The following BMP5 variants were observed in gnomAD, a reference collection of about 807,000 sequenced individuals.
BMP5 encodes bone morphogenetic protein 5.
Under a neutral mutation model 46.6 loss-of-function variants are expected in BMP5, and 23 were observed. The ratio of observed to expected loss-of-function variants is 0.49; its 90% CI spans 0.35 to 0.70. The LOEUF (loss-of-function observed/expected upper bound fraction) is 0.70. BMP5 is among the 30% of genes least tolerant of loss of function. BMP5 has a pLI of 0.00. For missense variants in BMP5, 545 were observed against 565.6 expected (o/e 0.96, Z 0.37); for synonymous variants, 204 against 191.9 (o/e 1.06, Z -0.52).
At chr6:55,836,375 A>G (rs1213845874) in intron 1 of BMP5, among the ~76,000 whole-genome samples, 1 of 152,164 alleles carries the variant, frequency 6.6e-6, no homozygotes, top group East Asian at 1.9e-4. Flanking sequence ...TGCAAAGACT[A>G]GAGAGCATAT....
At chr6:55,770,724 A>G (rs188382718) in intron 4 of BMP5, among the ~76,000 whole-genome samples, 1 of 151,896 alleles carries the variant, frequency 6.6e-6, no homozygotes, top group African/African-American at 2.4e-5. Context: ...AAAGTGAGAG[A>G]TGTTTAAATC....
chr6:55,772,811 T>C, intron 4 of BMP5: 1 of 985,190 alleles, frequency 1.0e-6, no homozygotes, highest in Non-Finnish European at 1.2e-6. Context: ...CTCCTGCTTC[T>C]GTTGCTTGCC....
At chr6:55,791,709 G>GA (rs1562039837) in intron 3 of BMP5, among the ~76,000 whole-genome samples, 1 of 151,784 alleles carries the variant, frequency 6.6e-6, no homozygotes, top group African/African-American at 2.4e-5. Context: ...AAGAGTGGGG[G>GA]AAAAAACAAA....
At chr6:55,867,017 C>G (rs1777657619) in intron 1 of BMP5, among the ~76,000 whole-genome samples, 1 of 152,132 alleles carries the variant, frequency 6.6e-6, no homozygotes, top group Non-Finnish European at 1.5e-5. Flanking sequence ...GTTTATTTAT[C>G]TACTTGTGCC....
chr6:55,811,594 A>C (rs1776135401), intron 2 of BMP5, among the ~76,000 whole-genome samples: 2 of 152,086 alleles, frequency 1.3e-5, no homozygotes, highest in Admixed American at 6.5e-5. Flanking sequence ...ATACACTTAA[A>C]CATTTTAGTG....
chr6:55,771,805 C>T (rs911216849), intron 4 of BMP5, among the ~76,000 whole-genome samples: 21 of 151,876 alleles, frequency 1.4e-4, no homozygotes, highest in African/African-American at 5.1e-4. Context: ...CCCCATCCCA[C>T]CCCTTCTTAT....
chr6:55,760,343 T>G, intron 5 of BMP5, 114 bp downstream of exon 5: 3 of 890,452 alleles, frequency 3.4e-6, no homozygotes, highest in African/African-American at 1.7e-5. Flanking sequence ...TTCTAAATGG[T>G]CATGTCAAAA....
At chr6:55,859,457 T>C (rs985432251) in intron 1 of BMP5, among the ~76,000 whole-genome samples, 4 of 152,212 alleles carry the variant, frequency 2.6e-5, no homozygotes, top group Non-Finnish European at 5.9e-5. Context: ...CAATGAATTG[T>C]CTAGCTGATA....
At chr6:55,794,699 C>T (rs1775663268) in intron 2 of BMP5, among the ~76,000 whole-genome samples, 1 of 152,060 alleles carries the variant, frequency 6.6e-6, no homozygotes, top group South Asian at 2.1e-4. Flanking sequence ...ACTTAGTGCT[C>T]TTAATTTGAT....
rs191552474 is a variant in BMP5 at position 55,852,171 on chromosome 6, T to C, written c.490+22205A>G. Reference sequence around the variant, plus strand: ...TGTTCTATTATAGCAATATATAAAATATTAAAATATTTAGTAGGGCTTTAA... The same window carrying C: ...TGTTCTATTATAGCAATATATAAAACATTAAAATATTTAGTAGGGCTTTAA... On this transcript the variant is annotated intron_variant, in intron 1 of 6. Coordinates refer to ENST00000370830, the MANE Select transcript of BMP5 (RefSeq NM_021073.4). 1.3e-3 allele frequency among the ~76,000 whole-genome samples: 196 copies of C among 152,204 alleles called. 1 individual carries two copies. Among genetic ancestry groups the C allele is most frequent in the Non-Finnish European group, 2.1e-3 (141 of 67,976 alleles).
At chr6:55,776,688 G>T (rs1775181377) in intron 3 of BMP5, among the ~76,000 whole-genome samples, 1 of 149,210 alleles carries the variant, frequency 6.7e-6, no homozygotes, top group Non-Finnish European at 1.5e-5. Context: ...TACTGAAATA[G>T]GTTGCTGAGA....
intron 3 of BMP5, among the ~76,000 whole-genome samples, chr6:55,776,528 T>A (rs1236202086): frequency 1.3e-5 from 2 of 151,940 alleles, no homozygotes; most frequent in African/African-American, 4.8e-5. Flanking sequence ...TTTTTCATTT[T>A]TTTTTTCTGT....
At chr6:55,856,494 A>G (rs1777401717) in intron 1 of BMP5, among the ~76,000 whole-genome samples, 2 of 152,148 alleles carry the variant, frequency 1.3e-5, no homozygotes, top group South Asian at 4.1e-4. Flanking sequence ...ACCTACCAGC[A>G]ATTTATACGT....
intron 1 of BMP5, among the ~76,000 whole-genome samples, chr6:55,849,138 T>C (rs886741249): frequency 1.4e-4 from 21 of 152,014 alleles, no homozygotes; most frequent in Admixed American, 1.3e-3. Flanking sequence ...AATCAATATT[T>C]GTTGTGACCC....
At chr6:55,867,404 C>T (rs1262822489) in intron 1 of BMP5, among the ~76,000 whole-genome samples, 1 of 152,148 alleles carries the variant, frequency 6.6e-6, no homozygotes, top group African/African-American at 2.4e-5. Flanking sequence ...CAAAACAAAA[C>T]AAAACCTCTG....
chr6:55,803,783 G>A (rs139905796), intron 2 of BMP5, among the ~76,000 whole-genome samples: 1,588 of 152,240 alleles, frequency 0.01, 18 homozygotes, highest in Middle Eastern at 0.02. Context: ...TCCCCTGCAG[G>A]CCACGCACAT....
chr6:55,853,440 C>G (rs1777305024), intron 1 of BMP5, among the ~76,000 whole-genome samples: 1 of 148,894 alleles, frequency 6.7e-6, no homozygotes, highest in Non-Finnish European at 1.5e-5. Context: ...CATTGCTGTA[C>G]CAAGGTTAGG....
intron 3 of BMP5, among the ~76,000 whole-genome samples, chr6:55,793,988 G>C (rs1775639968): frequency 6.6e-6 from 1 of 152,058 alleles, no homozygotes; most frequent in Non-Finnish European, 1.5e-5. Context: ...TATTAGAGTA[G>C]TGCTACTTAC....
At chr6:55,820,162 T>C (rs1389329688) in intron 1 of BMP5, among the ~76,000 whole-genome samples, 1 of 152,112 alleles carries the variant, frequency 6.6e-6, no homozygotes, top group Admixed American at 6.5e-5. Context: ...TATCAGACCA[T>C]AGAAAATTTT....
Sources: gnomAD v4.1 joint callset for allele counts (sites outside exome capture counted in the v4.1 genomes callset) on GRCh38, gnomAD v4.1.1 for gene constraint, MANE v1.5 for transcripts, NCBI Gene and HGNC (gene_info 2026-07-23, HGNC 2026-07-21) for gene names.